ASMTL: variants seen among roughly 807,000 people sequenced by gnomAD.
ASMTL encodes acetylserotonin O-methyltransferase like.
In ASMTL, 57 loss-of-function variants were observed where a neutral mutation model predicts 60.3. The observed-to-expected ratio is 0.95, with a 90% CI of 0.76 to 1.18. The LOEUF (loss-of-function observed/expected upper bound fraction) is 1.18, where lower values mean the gene tolerates loss of function less well. ASMTL is among the 50% of genes most tolerant of loss of function. The pLI is 0.00. For synonymous variants in ASMTL, 419 were observed against 373.0 expected (o/e 1.12, Z -1.42); for missense variants, 981 against 852.6 (o/e 1.15, Z -1.88).
rs1265208551 is a variant in ASMTL at position 1,423,231 on chromosome X, C to T, written c.1061-1389G>A. Among the ~76,000 whole-genome samples, 6 of 152,130 alleles carry T rather than the reference C, an allele frequency of 3.9e-5. No individual in the cohort carries two copies. In the South Asian group the frequency reaches 6.2e-4, roughly 16 times the overall value. ...CCTCCCCAAGTGCTGGGATTACAGG[C>T]GTGGCCTATTCATCATTATTTTCAA... On this transcript the variant is annotated intron_variant, in intron 8 of 12. Coordinates refer to ENST00000381317, the MANE Select transcript of ASMTL (RefSeq NM_004192.4).
At chrX:1,443,663 C>T (rs1314346455) in intron 1 of ASMTL, among the ~76,000 whole-genome samples, 5 of 150,112 alleles carry the variant, frequency 3.3e-5, no homozygotes, top group African/African-American at 4.9e-5. Context: ...GGACACACAC[C>T]GCCATCATGG....
intron 11 of ASMTL, among the ~76,000 whole-genome samples, chrX:1,417,014 CAG>C (rs1348547073): frequency 1.4e-4 from 8 of 58,326 alleles, no homozygotes; most frequent in East Asian, 7.2e-4. Context: ...CACACAGACT[CAG>C]AAACACACAG....
At chrX:1,418,610 GC>G (rs1400417517) in intron 10 of ASMTL, among the ~76,000 whole-genome samples, 1 of 151,964 alleles carries the variant, frequency 6.6e-6, no homozygotes, top group Non-Finnish European at 1.5e-5. Context: ...ATCGTCCCAG[GC>G]CCCGATCCCC....
chrX:1,421,518 T>C lies in ASMTL; in HGVS notation c.1245+140A>G, dbSNP rs1421206772. On this transcript the variant is annotated intron_variant, in intron 9 of 12. Coordinates refer to ENST00000381317, the MANE Select transcript of ASMTL (RefSeq NM_004192.4). Reference sequence around the variant, plus strand: ...TGACACAAGAGCCACGGCACTAAGTTCTCCAGGCAGAACGAGCCAAGCCTT... The same window carrying C: ...TGACACAAGAGCCACGGCACTAAGTCCTCCAGGCAGAACGAGCCAAGCCTT... 3 of 884,434 alleles carry C rather than the reference T, an allele frequency of 3.4e-6. No homozygotes were observed. The Admixed American group carries it at 7.4e-5, about 22-fold the overall frequency. The allele number at this position is 884,434 out of a possible 1,614,324, so 54.8% of individuals were successfully genotyped here.
chrX:1,422,791 T>C (rs1335774212), intron 8 of ASMTL, among the ~76,000 whole-genome samples: 2 of 152,106 alleles, frequency 1.3e-5, no homozygotes, highest in Admixed American at 6.5e-5. Flanking sequence ...TCATCATGAA[T>C]AAATGATGAG....
chrX:1,442,580 G>C (rs1418790915), intron 1 of ASMTL, among the ~76,000 whole-genome samples: 2 of 152,098 alleles, frequency 1.3e-5, no homozygotes, highest in Non-Finnish European at 2.9e-5. Flanking sequence ...GCTCTCGAGG[G>C]AAGAGATTGG....
rs756391527 is a variant in ASMTL at position 1,439,123 on chromosome X, C to T, written c.247G>A (p.Val83Met). The T allele has an allele frequency of 4.3e-6, 7 of 1,614,034 alleles. No homozygotes were observed. Among genetic ancestry groups the T allele is most frequent in the South Asian group, 2.2e-5 (2 of 91,080 alleles). Residue 83 changes from valine to methionine, a missense_variant, in exon 3 of 13, where the codon GTG (valine) becomes ATG (methionine). Val to Met is a conservative substitution (Grantham distance 21). Coordinates refer to ENST00000381317, the MANE Select transcript of ASMTL (RefSeq NM_004192.4). ...ACGATCGTGTCCGCTCCAATGACCA[C>T]GTCGGGGGCCCGCAGGTCTTTCTGT... The part of the protein sequence containing the change: ...LYQKDLRAPD[V>M]VIGADTIVTV...
At chrX:1,426,671 A>C (rs1569533184) in intron 7 of ASMTL, among the ~76,000 whole-genome samples, 1 of 152,128 alleles carries the variant, frequency 6.6e-6, no homozygotes, top group Admixed American at 6.5e-5. Context: ...TGGCCAACAT[A>C]GCGAAACCCT....
chrX:1,441,940 C>G (rs2091118825), intron 2 of ASMTL: 2 of 512,180 alleles, frequency 3.9e-6, no homozygotes, highest in South Asian at 3.0e-5. Flanking sequence ...ATCAATGATA[C>G]TGTATCAATT....
chrX:1,422,014 A>G lies in ASMTL; in HGVS notation c.1061-172T>C, dbSNP rs555657005. 3.7e-4 allele frequency: 66 copies of G among 180,802 alleles called. No homozygotes were observed. In the South Asian group the frequency reaches 0.012, roughly 33 times the overall value. 11.2% of individuals were successfully genotyped at this position (180,802 alleles called of 1,614,324 possible). A position where few individuals can be genotyped will look rare whatever the true frequency, so the allele number is the denominator to read the frequency against. On this transcript the variant is annotated intron_variant, in intron 8 of 12. Coordinates refer to ENST00000381317, the MANE Select transcript of ASMTL (RefSeq NM_004192.4). ...GATGCATCATTGAGATGTTAAAATA[A>G]ACATCATCCATCTGACTATAGCAAA...
intron 12 of ASMTL, among the ~76,000 whole-genome samples, chrX:1,412,145 T>C (rs1463856515): frequency 6.6e-6 from 1 of 151,770 alleles, no homozygotes; most frequent in African/African-American, 2.4e-5. Flanking sequence ...TACAGCAGAT[T>C]TACCCTCCAC....
intron 11 of ASMTL, among the ~76,000 whole-genome samples, chrX:1,417,354 C>T (rs1396308819): frequency 1.3e-5 from 2 of 151,868 alleles, no homozygotes; most frequent in Admixed American, 6.6e-5. Context: ...GATGCACACA[C>T]ATCACCTCAC....
chrX:1,418,891 A>G, intron 10 of ASMTL, 91 bp downstream of exon 10: 3 of 1,520,530 alleles, frequency 2.0e-6, no homozygotes, highest in South Asian at 2.3e-5. Context: ...TTGTCAATGG[A>G]AAAAGGCAGT....
intron 7 of ASMTL, among the ~76,000 whole-genome samples, chrX:1,426,474 G>A (rs768862821): frequency 2.7e-4 from 41 of 152,200 alleles, no homozygotes; most frequent in African/African-American, 9.4e-4. Context: ...CCCGGAGGAC[G>A]CCCTGTGAGG....
At chrX:1,444,991 T>G (rs1319872894) in intron 1 of ASMTL, among the ~76,000 whole-genome samples, 27 of 152,056 alleles carry the variant, frequency 1.8e-4, no homozygotes, top group Non-Finnish European at 2.9e-4. Context: ...TCCGTCTTCT[T>G]CCCTCTTCTC....
At chrX:1,442,407 G>T in intron 1 of ASMTL, 90 bp from the exon 2 acceptor site, 1 of 1,459,144 alleles carries the variant, frequency 6.9e-7, no homozygotes, top group Non-Finnish European at 9.5e-7. Context: ...CGCACATAGC[G>T]TTTGCTACAC....
intron 6 of ASMTL, 115 bp downstream of exon 6, chrX:1,432,154 C>G: frequency 1.2e-6 from 1 of 819,796 alleles, no homozygotes; most frequent in South Asian, 1.6e-5. Context: ...CTGTGCCACA[C>G]GGCCCCCGGA....
upstream of ASMTL, among the ~76,000 whole-genome samples, chrX:1,453,460 G>C (rs1389205352): frequency 2.6e-5 from 4 of 151,862 alleles, no homozygotes; most frequent in Non-Finnish European, 5.9e-5. Context: ...CCCCGCCTGC[G>C]GCGCCAAGAC....
chrX:1,434,593 C>A (rs1441643592), intron 5 of ASMTL, among the ~76,000 whole-genome samples: 5 of 151,284 alleles, frequency 3.3e-5, no homozygotes, highest in Non-Finnish European at 7.4e-5. Context: ...CACCTGAGGT[C>A]AGGAGTTCGA....
Sources: allele counts gnomAD v4.1 joint callset (sites outside exome capture counted in the v4.1 genomes callset), GRCh38; gene constraint gnomAD v4.1.1; transcripts MANE v1.5; gene names NCBI Gene and HGNC (gene_info 2026-07-23, HGNC 2026-07-21).